Variants in DLGAP2 observed in about 807,000 individuals in gnomAD.
DLGAP2 encodes disks large-associated protein 2.
In DLGAP2, 26 loss-of-function variants were observed where a neutral mutation model predicts 100.3. The observed-to-expected ratio is 0.26, with a 90% CI of 0.19 to 0.36. The LOEUF (loss-of-function observed/expected upper bound fraction) is 0.36, where lower values mean the gene tolerates loss of function less well. Ranked by LOEUF, DLGAP2 falls within the 10% of genes least tolerant of loss-of-function variation. The pLI, the probability that DLGAP2 is intolerant of heterozygous loss-of-function variation, is 1.00. For synonymous variants in DLGAP2, 886 were observed against 630.1 expected, an observed-to-expected ratio of 1.41 and a Z score of -6.08; for missense variants, 1,858 against 1,453.2, an observed-to-expected ratio of 1.28 and a Z score of -4.53.
chr8:1,007,243 C>A (rs12681826), intron 2 of DLGAP2, among the ~76,000 whole-genome samples: 5,296 of 152,308 alleles, frequency 0.035, 276 homozygotes, highest in Admixed American at 0.13. Context: ...GTCCCACACT[C>A]TTCACGTGTC....
At chr8:1,513,426 C>T (rs1272449245) in intron 4 of DLGAP2, among the ~76,000 whole-genome samples, 2 of 152,170 alleles carry the variant, frequency 1.3e-5, no homozygotes, top group Non-Finnish European at 2.9e-5. Flanking sequence ...CACGGAGGCT[C>T]GGTGGGATAC....
intron 6 of DLGAP2, among the ~76,000 whole-genome samples, chr8:1,601,766 C>A (rs139421930): frequency 6.6e-6 from 1 of 152,144 alleles, no homozygotes; most frequent in African/African-American, 2.4e-5. Context: ...AGAGCTCTCT[C>A]GTAGCTTAGG....
chr8:1,577,478 G>A (rs2130625906), intron 6 of DLGAP2, among the ~76,000 whole-genome samples: 1 of 146,476 alleles, frequency 6.8e-6, no homozygotes, highest in East Asian at 2.0e-4. Flanking sequence ...TGAGGCAGGA[G>A]AATCACTTGA....
intron 12 of DLGAP2, among the ~76,000 whole-genome samples, chr8:1,690,342 C>T (rs539365345): frequency 4.7e-5 from 7 of 150,236 alleles, no homozygotes; most frequent in South Asian, 2.1e-4. Context: ...GGTGACAGAG[C>T]GAGACTCCAT....
chr8:1,152,196 CTTA>C (rs1390316038), intron 2 of DLGAP2, among the ~76,000 whole-genome samples: 1 of 152,132 alleles, frequency 6.6e-6, no homozygotes, highest in Non-Finnish European at 1.5e-5. Flanking sequence ...TAGTGATTTT[CTTA>C]TTGTTTCCTT....
At chr8:1,030,526 T>C (rs1300440879) in intron 2 of DLGAP2, among the ~76,000 whole-genome samples, 1 of 152,184 alleles carries the variant, frequency 6.6e-6, no homozygotes, top group African/African-American at 2.4e-5. Context: ...GCTCTAAATA[T>C]TGGGAAGAGG....
At chr8:1,347,052 C>A (rs191734437) in intron 3 of DLGAP2, among the ~76,000 whole-genome samples, 1 of 141,892 alleles carries the variant, frequency 7.0e-6, no homozygotes, top group East Asian at 2.2e-4. Flanking sequence ...GGTAACTGTG[C>A]GGAGGATGAG....
intron 1 of DLGAP2, among the ~76,000 whole-genome samples, chr8:882,905 G>A (rs1036776663): frequency 2.6e-5 from 4 of 152,238 alleles, no homozygotes; most frequent in African/African-American, 7.2e-5. Flanking sequence ...TTGTTGGGTC[G>A]GATCTCTGCA....
intron 1 of DLGAP2, among the ~76,000 whole-genome samples, chr8:759,150 T>C (rs1821003456): frequency 5.4e-5 from 4 of 73,972 alleles, no homozygotes; most frequent in Admixed American, 1.7e-4. Context: ...TTTCCCATTA[T>C]CAATACCCCC....
chr8:996,821 T>C (rs1016172522), intron 2 of DLGAP2, among the ~76,000 whole-genome samples: 3 of 152,222 alleles, frequency 2.0e-5, no homozygotes, highest in Non-Finnish European at 2.9e-5. Context: ...GACATCTATC[T>C]AAACAGTAGT....
intron 3 of DLGAP2, among the ~76,000 whole-genome samples, chr8:1,382,151 C>T (rs1238452914): frequency 1.3e-5 from 2 of 152,196 alleles, no homozygotes; most frequent in African/African-American, 4.8e-5. Flanking sequence ...CAGTCACTGA[C>T]ACACATTGTG....
At chr8:812,785 T>C (rs754054606) in intron 1 of DLGAP2, among the ~76,000 whole-genome samples, 6 of 152,290 alleles carry the variant, frequency 3.9e-5, no homozygotes, top group Non-Finnish European at 8.8e-5. Context: ...GGTTGAGAAA[T>C]GAGATCAAAA....
At chr8:1,327,374 T>C (rs1017573680) in intron 3 of DLGAP2, among the ~76,000 whole-genome samples, 3 of 152,042 alleles carry the variant, frequency 2.0e-5, no homozygotes. Flanking sequence ...CTCTGTAGAG[T>C]ATTTTGGGCT....
rs537682506 is a variant in DLGAP2, at chr8:931,410, C to T, written c.73+23444C>T. ...CGCCTCCTGGCTCTGGAAAAAGCAT[C>T]AGGAACATGTTCTAGAAAAAGCCGC... is the stretch of plus-strand genomic sequence containing the variant. On this transcript the variant is annotated intron_variant, in intron 2 of 14. Coordinates refer to ENST00000637795, the MANE Select transcript of DLGAP2 (RefSeq NM_001346810.2). Among the ~76,000 whole-genome samples, 14 of 152,344 alleles carry T rather than the reference C, an allele frequency of 9.2e-5. 1 individual carries two copies. The highest frequency in any genetic ancestry group is 3.4e-4 in the African/African-American group (14 of 41,578).
chr8:1,299,001 A>G (rs1217102935), intron 3 of DLGAP2, among the ~76,000 whole-genome samples: 1 of 152,196 alleles, frequency 6.6e-6, no homozygotes, highest in African/African-American at 2.4e-5. Context: ...AAGGGGCCCA[A>G]GGGAGCAAAG....
chr8:1,339,317 A>C (rs1801366363), intron 3 of DLGAP2, among the ~76,000 whole-genome samples: 2 of 150,914 alleles, frequency 1.3e-5, no homozygotes, highest in South Asian at 4.2e-4. Flanking sequence ...CCCGGGAGGG[A>C]ATGCAGTGAC....
At chr8:790,539 G>T (rs1433723710) in intron 1 of DLGAP2, among the ~76,000 whole-genome samples, 1 of 152,180 alleles carries the variant, frequency 6.6e-6, no homozygotes, top group East Asian at 1.9e-4. Context: ...CTGGAGAAAG[G>T]TGTGAGTAGT....
intron 2 of DLGAP2, among the ~76,000 whole-genome samples, chr8:1,050,420 G>A (rs1802644812): frequency 6.6e-6 from 1 of 152,210 alleles, no homozygotes; most frequent in Admixed American, 6.5e-5. Context: ...TTTGCCCACT[G>A]TAAGCTGATG....
At chr8:872,354 A>G (rs1298005200) in intron 1 of DLGAP2, among the ~76,000 whole-genome samples, 8 of 133,586 alleles carry the variant, frequency 6.0e-5, no homozygotes, top group Admixed American at 2.7e-4. Flanking sequence ...TTTTTTTGAG[A>G]CAGAGTTTCA....
Sources: allele counts gnomAD v4.1 joint callset (sites outside exome capture counted in the v4.1 genomes callset), GRCh38; gene constraint gnomAD v4.1.1; transcripts MANE v1.5; gene names NCBI Gene and HGNC (gene_info 2026-07-23, HGNC 2026-07-21).